PRIM2: variants seen among roughly 807,000 people sequenced by gnomAD.
PRIM2 encodes the protein DNA primase subunit 2, also known as DNA primase large subunit.
A neutral mutation model predicts 67.3 loss-of-function variants in PRIM2; 39 were observed. The ratio of observed to expected loss-of-function variants is 0.58; its 90% confidence interval spans 0.45 to 0.76. The LOEUF (loss-of-function observed/expected upper bound fraction) is 0.76, where lower values mean the gene tolerates loss of function less well. PRIM2 is among the 30% of genes least tolerant of loss of function. The probability of loss-of-function intolerance (pLI) is 0.00; values close to 1 mark genes in which losing one functional copy is unlikely to be tolerated. For synonymous variants in PRIM2, 143 were observed against 198.7 expected, an observed-to-expected ratio of 0.72 and a Z score of 2.36; for missense variants, 398 against 598.7, an observed-to-expected ratio of 0.66 and a Z score of 3.50.
At position 57,382,021 on chromosome 6, in the gene PRIM2, C is replaced by T. The variant is rs753992727; in HGVS notation, c.556-10C>T. The T allele has an allele frequency of 4.2e-5, 68 of 1,603,634 alleles. No individual in the cohort carries two copies. Among genetic ancestry groups the T allele is most frequent in the Non-Finnish European group, 5.5e-5 (64 of 1,174,086 alleles). On this transcript the variant is annotated splice_polypyrimidine_tract_variant and intron_variant, in intron 6 of 13. Transcript: ENST00000615550. ...GCTGACTTATTTTGCCTGTTTTACT[C>T]TTAATTCAGATCCCTTTTGCTGATG...
At chr6:57,374,303 A>ATTTATTTTTTTTTTT (rs1554331462) in intron 5 of PRIM2, among the ~76,000 whole-genome samples, 2 of 139,792 alleles carry the variant, frequency 1.4e-5, no homozygotes, top group African/African-American at 5.3e-5. Context: ...TTATTTATTT[A>ATTTATTTTTTTTTTT]TTTTTTTTGA....
chr6:57,225,661 C>T, the PRIM2 span, among the ~76,000 whole-genome samples: 4 of 152,166 alleles, frequency 2.6e-5, no homozygotes, highest in Non-Finnish European at 5.9e-5. Context: ...CTTGCTCGTT[C>T]TTTCATTGTG....
intron 10 of PRIM2, among the ~76,000 whole-genome samples, chr6:57,562,044 G>C: frequency 6.6e-6 from 1 of 152,210 alleles, no homozygotes; most frequent in East Asian, 1.9e-4. Context: ...ATGGCCAGTT[G>C]GTGGAGCAGT....
intron 10 of PRIM2, among the ~76,000 whole-genome samples, chr6:57,596,062 G>T (rs1311396952): frequency 6.6e-6 from 1 of 152,048 alleles, no homozygotes; most frequent in African/African-American, 2.4e-5. Context: ...TAGCAACTCT[G>T]TTAGAAACTG....
intron 8 of PRIM2, among the ~76,000 whole-genome samples, chr6:57,528,207 G>T (rs1200944566): frequency 2.7e-5 from 4 of 149,534 alleles, no homozygotes; most frequent in Non-Finnish European, 1.5e-5. Context: ...GGGCTCAAGC[G>T]GTCCTCCTGC....
At chr6:57,343,903 G>A (rs1768584269) in intron 5 of PRIM2, among the ~76,000 whole-genome samples, 1 of 152,124 alleles carries the variant, frequency 6.6e-6, no homozygotes, top group Non-Finnish European at 1.5e-5. Flanking sequence ...CAGGGGTCAG[G>A]GTGGATGGAA....
chr6:57,485,087 A>G (rs1773724163), intron 7 of PRIM2, among the ~76,000 whole-genome samples: 1 of 152,088 alleles, frequency 6.6e-6, no homozygotes, highest in Non-Finnish European at 1.5e-5. Context: ...TATTTAGGAG[A>G]TATTTGAATA....
intron 7 of PRIM2, among the ~76,000 whole-genome samples, chr6:57,400,465 C>T (rs1481076940): frequency 6.6e-6 from 1 of 152,112 alleles, no homozygotes; most frequent in African/African-American, 2.4e-5. Context: ...GCTGAGTGAT[C>T]TGCTGTTAGC....
the PRIM2 span, among the ~76,000 whole-genome samples, chr6:57,243,754 T>C: frequency 6.6e-6 from 1 of 152,160 alleles, no homozygotes; most frequent in Non-Finnish European, 1.5e-5. Context: ...GGATTACAGG[T>C]GTGGGCCACA....
At chr6:57,240,532 G>A in the PRIM2 span, among the ~76,000 whole-genome samples, 1 of 152,130 alleles carries the variant, frequency 6.6e-6, no homozygotes, top group Non-Finnish European at 1.5e-5. Flanking sequence ...AGTACACAAA[G>A]AAAGAGGAAT....
intron 10 of PRIM2, among the ~76,000 whole-genome samples, chr6:57,563,553 T>C (rs1775679840): frequency 6.6e-6 from 1 of 152,250 alleles, no homozygotes; most frequent in African/African-American, 2.4e-5. Flanking sequence ...TGGATTTATA[T>C]ATTACTTAAT....
chr6:57,377,040 C>T (rs1354764504), intron 5 of PRIM2, among the ~76,000 whole-genome samples: 1 of 150,780 alleles, frequency 6.6e-6, no homozygotes, highest in Admixed American at 6.6e-5. Flanking sequence ...CCATGCCCAG[C>T]TAATTTTTTT....
At chr6:57,231,566 A>G in the PRIM2 span, among the ~76,000 whole-genome samples, 1 of 152,230 alleles carries the variant, frequency 6.6e-6, no homozygotes, top group Non-Finnish European at 1.5e-5. Context: ...GCCTATTGAC[A>G]TGAGTATATT....
intron 3 of PRIM2, among the ~76,000 whole-genome samples, chr6:57,323,236 T>C (rs943921045): frequency 1.3e-5 from 2 of 152,192 alleles, no homozygotes; most frequent in Non-Finnish European, 2.9e-5. Context: ...CACGAAATTA[T>C]ATTTTCCAAA....
chr6:57,446,202 C>T (rs1299297312), intron 7 of PRIM2, among the ~76,000 whole-genome samples: 2 of 151,898 alleles, frequency 1.3e-5, no homozygotes, highest in African/African-American at 2.4e-5. Context: ...GCATTCTGGC[C>T]CTTGAGCATA....
intron 5 of PRIM2, among the ~76,000 whole-genome samples, chr6:57,332,458 A>G (rs9382701): frequency 0.41 from 62,648 of 151,930 alleles, 13,693 homozygotes; most frequent in South Asian, 0.56. Context: ...TCCATTATTG[A>G]AAGTGGGGTA....
intron 5 of PRIM2, among the ~76,000 whole-genome samples, chr6:57,332,709 C>T (rs532513634): frequency 5.9e-5 from 9 of 151,948 alleles, no homozygotes; most frequent in African/African-American, 9.7e-5. Flanking sequence ...TTGTTGTTTA[C>T]GTGATATGTC....
intron 9 of PRIM2, among the ~76,000 whole-genome samples, chr6:57,535,362 G>T (rs1335338387): frequency 6.6e-6 from 1 of 152,108 alleles, no homozygotes; most frequent in African/African-American, 2.4e-5. Flanking sequence ...GCTTTCCCAG[G>T]CTCCCTGTCA....
At chr6:57,331,007 C>G (rs1444731958) in intron 5 of PRIM2, among the ~76,000 whole-genome samples, 2 of 151,674 alleles carry the variant, frequency 1.3e-5, no homozygotes, top group Non-Finnish European at 2.9e-5. Context: ...ATAGTGAAAC[C>G]CCGTCTCTAC....
Sources: allele counts gnomAD v4.1 joint callset (sites outside exome capture counted in the v4.1 genomes callset), GRCh38; gene constraint gnomAD v4.1.1; transcripts MANE v1.5; gene names NCBI Gene and HGNC (gene_info 2026-07-23, HGNC 2026-07-21).